The following CNTNAP5 variants were observed in gnomAD, a reference collection of about 807,000 sequenced individuals.
CNTNAP5 encodes contactin-associated protein-like 5.
CNTNAP5 carries 72 observed loss-of-function variants against 150.2 expected under a neutral mutation model. The ratio of observed to expected loss-of-function variants is 0.48; its 90% confidence interval spans 0.40 to 0.58. CNTNAP5 has a LOEUF of 0.58. CNTNAP5 is among the 20% of genes least tolerant of loss of function. CNTNAP5 has a pLI of 0.00. For synonymous variants in CNTNAP5, 672 were observed against 619.8 expected (o/e 1.08, Z -1.25); for missense variants, 1,636 against 1,626.2 (o/e 1.01, Z -0.10).
intron 1 of CNTNAP5, among the ~76,000 whole-genome samples, chr2:124,085,890 T>C (rs1389395967): frequency 6.6e-6 from 1 of 152,208 alleles, no homozygotes; most frequent in Non-Finnish European, 1.5e-5. Context: ...ATTTTTAACT[T>C]GTTGAGGTTT....
At chr2:124,732,525 A>G (rs1357304775) in intron 13 of CNTNAP5, among the ~76,000 whole-genome samples, 1 of 152,078 alleles carries the variant, frequency 6.6e-6, no homozygotes, top group Non-Finnish European at 1.5e-5. Flanking sequence ...GGACACATCA[A>G]CAAGGCAGTT....
At chr2:124,321,941 G>A (rs1486331959) in intron 3 of CNTNAP5, among the ~76,000 whole-genome samples, 2 of 152,232 alleles carry the variant, frequency 1.3e-5, no homozygotes, top group African/African-American at 4.8e-5. Flanking sequence ...CCTGAGGTCA[G>A]GAGTTCGAGA....
intron 13 of CNTNAP5, among the ~76,000 whole-genome samples, chr2:124,664,302 G>A (rs1324767213): frequency 1.4e-4 from 19 of 136,198 alleles, no homozygotes; most frequent in Admixed American, 1.3e-3. Context: ...CAGTCTGGGC[G>A]ACAGAGTGAG....
chr2:124,263,449 C>G (rs1255202788), intron 3 of CNTNAP5, among the ~76,000 whole-genome samples: 9 of 152,194 alleles, frequency 5.9e-5, no homozygotes, highest in Non-Finnish European at 1.2e-4. Context: ...AAGACGTCTT[C>G]TTTTGAGAAG....
chr2:124,637,489 G>T (rs1156458053), intron 12 of CNTNAP5, among the ~76,000 whole-genome samples: 1 of 152,194 alleles, frequency 6.6e-6, no homozygotes, highest in Non-Finnish European at 1.5e-5. Flanking sequence ...TACTGGGGAT[G>T]CTTCTCGCTA....
At chr2:124,104,604 CT>C (rs1220919723) in intron 1 of CNTNAP5, among the ~76,000 whole-genome samples, 3 of 152,090 alleles carry the variant, frequency 2.0e-5, no homozygotes, top group African/African-American at 7.2e-5. Context: ...TTTTTTAGTC[CT>C]ATATCGTATA....
intron 13 of CNTNAP5, among the ~76,000 whole-genome samples, chr2:124,718,167 A>G (rs1392912788): frequency 6.6e-6 from 1 of 152,230 alleles, no homozygotes; most frequent in Non-Finnish European, 1.5e-5. Context: ...ATTCTTACCA[A>G]ATGAGATGTG....
chr2:124,822,509 A>G (rs1452334832), intron 19 of CNTNAP5, among the ~76,000 whole-genome samples: 2 of 152,210 alleles, frequency 1.3e-5, no homozygotes, highest in Non-Finnish European at 2.9e-5. Flanking sequence ...AACATGATGC[A>G]ATTACCAGTC....
intron 3 of CNTNAP5, among the ~76,000 whole-genome samples, chr2:124,361,983 T>C (rs4531936): frequency 0.72 from 110,192 of 152,080 alleles, 40,586 homozygotes; most frequent in African/African-American, 0.83. Flanking sequence ...TAGGACCCTC[T>C]GAGCCAGGTG....
intron 1 of CNTNAP5, among the ~76,000 whole-genome samples, chr2:124,130,039 T>C (rs1277726940): frequency 6.6e-6 from 1 of 152,142 alleles, no homozygotes; most frequent in Non-Finnish European, 1.5e-5. Flanking sequence ...GGATTGTCAA[T>C]TTGCCAAATT....
intron 11 of CNTNAP5, among the ~76,000 whole-genome samples, chr2:124,577,620 G>C (rs1371358791): frequency 6.6e-6 from 1 of 152,144 alleles, no homozygotes; most frequent in Admixed American, 6.5e-5. Flanking sequence ...GGGCAGAAGG[G>C]AGATGGGTTA....
Position 124,434,480 on chromosome 2 carries a change from CCAG to C in CNTNAP5, c.530-3_530-1del. On this transcript the variant is annotated splice_acceptor_variant and splice_polypyrimidine_tract_variant and intron_variant, in intron 4 of 23. Coordinates refer to ENST00000682447, the MANE Select transcript of CNTNAP5 (RefSeq NM_001367498.1). LOFTEE classifies it high-confidence loss of function. ...TTTCTTTCCCGCTCCTTCTTTGTTC[CCAG>C]AATCAGATGTTGCTGACTTTGATGG... The C allele has an allele frequency of 6.2e-7, 1 of 1,612,682 alleles. No individual in the cohort carries two copies.
chr2:124,500,882 C>T (rs1010930130), intron 7 of CNTNAP5, among the ~76,000 whole-genome samples: 3 of 152,146 alleles, frequency 2.0e-5, no homozygotes, highest in Non-Finnish European at 4.4e-5. Flanking sequence ...GTGGCAGTTG[C>T]TGCCCTGGGT....
chr2:124,238,791 G>A (rs141049553), intron 2 of CNTNAP5, among the ~76,000 whole-genome samples: 163 of 152,238 alleles, frequency 1.1e-3, no homozygotes, highest in South Asian at 2.5e-3. Flanking sequence ...GGTGCAGTGC[G>A]TTTTTATAGT....
chr2:124,665,682 C>T (rs1157474259), intron 13 of CNTNAP5, among the ~76,000 whole-genome samples: 2 of 152,128 alleles, frequency 1.3e-5, no homozygotes, highest in South Asian at 2.1e-4. Context: ...GTCAGGAGAT[C>T]GAGACCATCC....
chr2:124,066,135 G>A (rs938523758), intron 1 of CNTNAP5, among the ~76,000 whole-genome samples: 25 of 152,022 alleles, frequency 1.6e-4, no homozygotes, highest in African/African-American at 5.6e-4. Flanking sequence ...TCTCTAACTG[G>A]GTGTGGGGTA....
chr2:124,726,902 ATGT>A (rs963128756), intron 13 of CNTNAP5, among the ~76,000 whole-genome samples: 15 of 152,002 alleles, frequency 9.9e-5, no homozygotes, highest in African/African-American at 3.6e-4. Context: ...TGCTAAAAAA[ATGT>A]TGTTCAGACT....
At chr2:124,190,348 C>T (rs1393868094) in intron 1 of CNTNAP5, among the ~76,000 whole-genome samples, 2 of 152,076 alleles carry the variant, frequency 1.3e-5, no homozygotes. Context: ...TGGATCGTAG[C>T]CAATGCTAAA....
chr2:124,814,730 GAAAT>G (rs906137015), intron 19 of CNTNAP5, among the ~76,000 whole-genome samples: 1 of 152,116 alleles, frequency 6.6e-6, no homozygotes, highest in African/African-American at 2.4e-5. Context: ...TAAAAGCACA[GAAAT>G]AAAATGAGAG....
Sources: gnomAD v4.1 joint callset for allele counts (sites outside exome capture counted in the v4.1 genomes callset) on GRCh38, gnomAD v4.1.1 for gene constraint, MANE v1.5 for transcripts, NCBI Gene and HGNC (gene_info 2026-07-23, HGNC 2026-07-21) for gene names.